Variants in SYT16 observed in about 807,000 individuals in gnomAD.
SYT16 encodes synaptotagmin-16.
SYT16 carries 42 observed loss-of-function variants against 61.4 expected under a neutral mutation model. That is an observed-to-expected ratio of 0.68 (90% CI 0.53 to 0.89). SYT16 has a LOEUF of 0.89. Ranked by LOEUF, SYT16 falls within the 40% of genes least tolerant of loss-of-function variation. SYT16 has a pLI of 0.00. For synonymous variants in SYT16, 314 were observed against 302.3 expected (o/e 1.04, Z -0.40); for missense variants, 804 against 807.3 (o/e 1.00, Z 0.05).
chr14:61,892,683 C>T (rs574298864), intron 1 of SYT16, among the ~76,000 whole-genome samples: 4 of 152,228 alleles, frequency 2.6e-5, no homozygotes, highest in South Asian at 2.1e-4. Context: ...GCTTTAGAAC[C>T]GATGGGGGGT....
rs1197869645 is a variant in SYT16 at position 62,112,494 on chromosome 14, A to G, written c.*11787A>G. 1 of 152,162 alleles carries G rather than the reference A, an allele frequency of 6.6e-6. No individual in the cohort carries two copies. Among genetic ancestry groups the G allele is most frequent in the Non-Finnish European group, 1.5e-5 (1 of 68,008 alleles). 9.4% of individuals were successfully genotyped at this position (152,162 alleles called of 1,614,324 possible). A position where few individuals can be genotyped will look rare whatever the true frequency, so the allele number is the denominator to read the frequency against. The stretch of plus-strand genomic sequence containing the variant: ...TTCATGAAAACTGAAAATCATTCCA[A>G]TTTTGTAAAACTGCTGCTACTGGTT... On this transcript the variant is annotated 3_prime_UTR_variant, in exon 8 of 8. Transcript: ENST00000683842.
intron 3 of SYT16, among the ~76,000 whole-genome samples, chr14:62,020,442 C>T (rs116029626): frequency 0.015 from 2,251 of 152,222 alleles, 40 homozygotes; most frequent in African/African-American, 0.04. Context: ...CTTCTCTCTC[C>T]GTCTTTAGAA....
intron 4 of SYT16, 71 bp from the exon 5 acceptor site, chr14:62,075,064 T>TA: frequency 6.7e-7 from 1 of 1,487,006 alleles, no homozygotes; most frequent in African/African-American, 1.4e-5. Flanking sequence ...TGACTGCAAT[T>TA]ACTCAATTTC....
chr14:62,052,319 T>G (rs2055343105), intron 3 of SYT16, among the ~76,000 whole-genome samples: 1 of 152,206 alleles, frequency 6.6e-6, no homozygotes. Context: ...TTATGGCTTT[T>G]TCTTTGACCC....
chr14:62,098,328 T>A (rs924602606), intron 7 of SYT16, among the ~76,000 whole-genome samples: 2 of 152,120 alleles, frequency 1.3e-5, no homozygotes, highest in Non-Finnish European at 2.9e-5. Flanking sequence ...ACATTTTGAG[T>A]TTTAAGGAGA....
chr14:61,868,011 A>G (rs919538048), intron 1 of SYT16, among the ~76,000 whole-genome samples: 1 of 152,020 alleles, frequency 6.6e-6, no homozygotes, highest in African/African-American at 2.4e-5. Context: ...GATAAACTCC[A>G]CTTGTTCTTA....
chr14:61,851,367 A>G (rs1456916007), intron 1 of SYT16, among the ~76,000 whole-genome samples: 1 of 152,208 alleles, frequency 6.6e-6, no homozygotes, highest in Non-Finnish European at 1.5e-5. Flanking sequence ...GCTGCAATGA[A>G]CATACGTATG....
intron 1 of SYT16, among the ~76,000 whole-genome samples, chr14:61,817,290 C>T (rs534512839): frequency 2.0e-5 from 3 of 151,684 alleles, no homozygotes; most frequent in Non-Finnish European, 4.4e-5. Context: ...TGGTGACAGG[C>T]GCCTGTAATC....
At chr14:61,987,744 C>CT (rs35325262) in intron 2 of SYT16, among the ~76,000 whole-genome samples, 23,894 of 65,564 alleles carry the variant, frequency 0.36, 2,060 homozygotes, top group South Asian at 0.52. Flanking sequence ...GATTTTTTTC[C>CT]TTTTTTTTTT....
chr14:62,021,295 T>G (rs2053898400), intron 3 of SYT16, among the ~76,000 whole-genome samples: 1 of 152,076 alleles, frequency 6.6e-6, no homozygotes, highest in East Asian at 1.9e-4. Flanking sequence ...TGGTCTTTGT[T>G]GTTCTGGTGT....
chr14:61,977,096 C>T (rs1369995319), intron 2 of SYT16, among the ~76,000 whole-genome samples: 2 of 152,158 alleles, frequency 1.3e-5, no homozygotes, highest in African/African-American at 2.4e-5. Context: ...CCATCTGAGA[C>T]CACCTCAGCC....
Position 62,104,436 on chromosome 14 carries a change from T to C in SYT16, c.*3729T>C, listed in dbSNP as rs2057478938. 1 of 152,198 alleles carries C rather than the reference T, an allele frequency of 6.6e-6. No homozygotes were observed. The highest frequency in any genetic ancestry group is 2.1e-4 in the South Asian group (1 of 4,834). The allele number at this position is 152,198 out of a possible 1,614,324, so 9.4% of individuals were successfully genotyped here. On this transcript the variant is annotated 3_prime_UTR_variant, in exon 8 of 8. Transcript: ENST00000683842. ...TCCTGAAATGGTAAAAGTATTTTTG[T>C]CTTAAAAATTATTCATTTGGGCAAA...
At position 62,108,835 on chromosome 14, in the gene SYT16, A is replaced by G. The variant is rs566787309; in HGVS notation, c.*8128A>G. 8 of 152,270 alleles carry G rather than the reference A, an allele frequency of 5.3e-5. 1 individual carries two copies. Among genetic ancestry groups the G allele is most frequent in the African/African-American group, 1.7e-4 (7 of 41,558 alleles). The allele number at this position is 152,270 out of a possible 1,614,324, so 9.4% of individuals were successfully genotyped here. A position where few individuals can be genotyped will look rare whatever the true frequency, so the allele number is the denominator to read the frequency against. The stretch of plus-strand genomic sequence containing the variant: ...GGGATAGGATTTGACCTGTATTTTC[A>G]GGTTAAAGCTGGTCTTTGAGATCTA... On this transcript the variant is annotated 3_prime_UTR_variant, in exon 8 of 8. Transcript: ENST00000683842.
intron 1 of SYT16, among the ~76,000 whole-genome samples, chr14:61,906,730 C>CATCA (rs1178473700): frequency 8.4e-6 from 1 of 119,030 alleles, no homozygotes; most frequent in Non-Finnish European, 1.8e-5. Flanking sequence ...TCCATCCATC[C>CATCA]ATCCATCCAT....
chr14:61,856,093 GGA>G, intron 1 of SYT16, among the ~76,000 whole-genome samples: 1 of 152,358 alleles, frequency 6.6e-6, no homozygotes, highest in East Asian at 1.9e-4. Flanking sequence ...GAGTGCAGGA[GGA>G]GGGAGGTTAG....
chr14:61,821,604 C>G (rs141553354), intron 1 of SYT16, among the ~76,000 whole-genome samples: 1 of 152,320 alleles, frequency 6.6e-6, no homozygotes, highest in East Asian at 1.9e-4. Context: ...CCCTCAATTT[C>G]CTTCTATGTG....
chr14:62,108,606 A>G lies in SYT16; in HGVS notation c.*7899A>G, dbSNP rs1191082309. 6.6e-6 allele frequency: 1 copy of G among 152,150 alleles called. No homozygotes were observed. The highest frequency in any genetic ancestry group is 1.9e-4 in the East Asian group (1 of 5,200). 9.4% of individuals were successfully genotyped at this position (152,150 alleles called of 1,614,324 possible). Reference sequence around the variant, plus strand: ...GGGTTATGATAATCTTTATTAATTCACAACTCTACCAAATTATAATACAGT... The same window carrying G: ...GGGTTATGATAATCTTTATTAATTCGCAACTCTACCAAATTATAATACAGT... On this transcript the variant is annotated 3_prime_UTR_variant, in exon 8 of 8. Coordinates refer to ENST00000683842, the MANE Select transcript of SYT16 (RefSeq NM_001367656.1).
chr14:61,900,475 A>G (rs1349550512), intron 1 of SYT16, among the ~76,000 whole-genome samples: 1 of 152,060 alleles, frequency 6.6e-6, no homozygotes, highest in African/African-American at 2.4e-5. Context: ...TCTTATTGGT[A>G]CTTCTATTCT....
intron 7 of SYT16, among the ~76,000 whole-genome samples, chr14:62,098,946 A>G (rs1224321173): frequency 6.6e-6 from 1 of 152,192 alleles, no homozygotes; most frequent in Non-Finnish European, 1.5e-5. Context: ...GAGGCTGAGT[A>G]TTAGTGGGGA....
Sources: gnomAD v4.1 joint callset for allele counts (sites outside exome capture counted in the v4.1 genomes callset) on GRCh38, gnomAD v4.1.1 for gene constraint, MANE v1.5 for transcripts, NCBI Gene and HGNC (gene_info 2026-07-23, HGNC 2026-07-21) for gene names.